PDE11A: variants seen among roughly 807,000 people sequenced by gnomAD.
PDE11A encodes the protein dual 3',5'-cyclic-AMP and -GMP phosphodiesterase 11A.
Under a neutral mutation model 100.5 loss-of-function variants are expected in PDE11A, and 100 were observed. The ratio of observed to expected loss-of-function variants is 1.00; its 90% CI spans 0.85 to 1.18. PDE11A has a LOEUF of 1.18. Ranked by LOEUF, PDE11A falls within the 50% of genes most tolerant of loss-of-function variation. PDE11A has a pLI of 0.00. For synonymous variants in PDE11A, 381 were observed against 420.8 expected (o/e 0.91, Z 1.16); for missense variants, 1,141 against 1,152.6 (o/e 0.99, Z 0.15).
chr2:178,078,223 AAATGTC>A (rs1322053190), intron 2 of PDE11A, among the ~76,000 whole-genome samples: 1 of 151,888 alleles, frequency 6.6e-6, no homozygotes, highest in African/African-American at 2.4e-5. Flanking sequence ...CACCTATTTC[AAATGTC>A]ACACATATTA....
At chr2:177,653,442 G>A (rs561879515) in intron 19 of PDE11A, among the ~76,000 whole-genome samples, 32 of 152,190 alleles carry the variant, frequency 2.1e-4, no homozygotes, top group South Asian at 1.7e-3. Flanking sequence ...CCTCTCTGTC[G>A]TGAGTTGACT....
At chr2:178,085,198 T>C (rs13422367) in intron 2 of PDE11A, among the ~76,000 whole-genome samples, 2,349 of 152,282 alleles carry the variant, frequency 0.015, 57 homozygotes, top group African/African-American at 0.053. Flanking sequence ...CGTGAGGTGC[T>C]GCTATCACCA....
At chr2:177,862,344 A>C (rs1229267465) in intron 5 of PDE11A, among the ~76,000 whole-genome samples, 1 of 151,918 alleles carries the variant, frequency 6.6e-6, no homozygotes, top group Non-Finnish European at 1.5e-5. Flanking sequence ...GCAAATCAAA[A>C]CTACAATGAG....
At chr2:178,000,247 AGAT>A (rs2086127969) in intron 2 of PDE11A, among the ~76,000 whole-genome samples, 2 of 152,232 alleles carry the variant, frequency 1.3e-5, no homozygotes, top group South Asian at 4.1e-4. Flanking sequence ...ATATCCAAGT[AGAT>A]TTTCTAAATC....
intron 9 of PDE11A, among the ~76,000 whole-genome samples, chr2:177,786,637 T>G (rs1332339620): frequency 6.6e-6 from 1 of 151,982 alleles, no homozygotes; most frequent in Non-Finnish European, 1.5e-5. Context: ...TTAAAAACTT[T>G]GAAAAAAATT....
At chr2:177,928,847 A>G (rs2085167137) in intron 2 of PDE11A, among the ~76,000 whole-genome samples, 2 of 151,894 alleles carry the variant, frequency 1.3e-5, no homozygotes. Flanking sequence ...TGGGTTACAG[A>G]GAAAGACCCT....
At chr2:178,046,196 C>T (rs2086748577) in intron 1 of PDE11A, among the ~76,000 whole-genome samples, 2 of 152,166 alleles carry the variant, frequency 1.3e-5, no homozygotes, top group Admixed American at 6.5e-5. Flanking sequence ...CTGGCTATTA[C>T]TATTAATTTT....
At chr2:177,957,439 C>A (rs547093800) in intron 2 of PDE11A, among the ~76,000 whole-genome samples, 1 of 152,150 alleles carries the variant, frequency 6.6e-6, no homozygotes, top group Non-Finnish European at 1.5e-5. Flanking sequence ...AAACAAAAAA[C>A]TTCCCCTGGG....
In PDE11A at chr2:177,631,322, A is replaced by AAAAAAAAAAAAAAAAAC. The variant is rs1469522170; in HGVS notation, c.2647-1761_2647-1760insGTTTTTTTTTTTTTTTT. ...AAAAAAAAAAAAAACAAAAAAAAAA[A>AAAAAAAAAAAAAAAAAC]CAACCTAGGCGTGGTGGCACATGCC... is the stretch of plus-strand genomic sequence containing the variant. On this transcript the variant is annotated intron_variant, in intron 19 of 19. Transcript: ENST00000286063. 1.1e-3 allele frequency among the ~76,000 whole-genome samples: 18 copies of AAAAAAAAAAAAAAAAAC among 16,880 alleles called. 1 individual carries two copies. The highest frequency in any genetic ancestry group is 1.5e-3 in the African/African-American group (16 of 10,840). The allele number at this position is 16,880 out of a possible 152,430, so 11.1% of individuals were successfully genotyped here.
chr2:178,091,782 G>C (rs965660057), intron 2 of PDE11A, among the ~76,000 whole-genome samples: 4 of 151,408 alleles, frequency 2.6e-5, no homozygotes, highest in Non-Finnish European at 5.9e-5. Flanking sequence ...AAGTGGGTGG[G>C]GGGGCTCTTT....
chr2:177,795,037 G>A (rs576649511), intron 9 of PDE11A, among the ~76,000 whole-genome samples: 8 of 152,106 alleles, frequency 5.3e-5, no homozygotes, highest in South Asian at 2.1e-4. Context: ...CACCTGCCTC[G>A]GCCTCCCAAA....
intron 13 of PDE11A, among the ~76,000 whole-genome samples, chr2:177,710,057 G>A (rs1168160070): frequency 3.3e-5 from 5 of 152,100 alleles, no homozygotes; most frequent in Admixed American, 6.5e-5. Flanking sequence ...CAAGATGCGG[G>A]GGAGCTGTTT....
chr2:177,772,809 A>G (rs990191100), intron 9 of PDE11A, among the ~76,000 whole-genome samples: 4 of 152,020 alleles, frequency 2.6e-5, no homozygotes, highest in African/African-American at 9.7e-5. Context: ...CTCATTTAAA[A>G]TTACAATAGT....
intron 1 of PDE11A, among the ~76,000 whole-genome samples, chr2:178,021,551 G>C (rs905918028): frequency 6.6e-6 from 1 of 151,982 alleles, no homozygotes; most frequent in African/African-American, 2.4e-5. Context: ...ATTAGATAAA[G>C]GAACATGTTA....
intron 1 of PDE11A, among the ~76,000 whole-genome samples, chr2:178,048,305 T>C (rs150219381): frequency 2.3e-3 from 349 of 151,972 alleles, no homozygotes; most frequent in Middle Eastern, 6.8e-3. Flanking sequence ...ATAAAGAAGA[T>C]AAGGCAGAGG....
chr2:177,736,197 C>T (rs1173005502), intron 10 of PDE11A, among the ~76,000 whole-genome samples: 2 of 152,038 alleles, frequency 1.3e-5, no homozygotes, highest in South Asian at 2.1e-4. Flanking sequence ...GAAGGAAGGA[C>T]GTGCTCCCGG....
At chr2:177,819,692 A>G (rs1192603238) in intron 7 of PDE11A, among the ~76,000 whole-genome samples, 3 of 152,038 alleles carry the variant, frequency 2.0e-5, no homozygotes, top group Non-Finnish European at 4.4e-5. Flanking sequence ...TATATGTCCA[A>G]TATAGAATGT....
At chr2:177,836,163 T>C (rs2083394382) in intron 6 of PDE11A, among the ~76,000 whole-genome samples, 1 of 152,238 alleles carries the variant, frequency 6.6e-6, no homozygotes, top group African/African-American at 2.4e-5. Flanking sequence ...GGAGAACCTT[T>C]ATGTCTAGCT....
chr2:178,073,523 G>GC (rs1360754100), upstream of PDE11A, among the ~76,000 whole-genome samples: 1 of 152,256 alleles, frequency 6.6e-6, no homozygotes, highest in East Asian at 1.9e-4. Context: ...AGTAAACCAA[G>GC]CATAGAATCC....
Sources: allele counts gnomAD v4.1 joint callset (sites outside exome capture counted in the v4.1 genomes callset), GRCh38; gene constraint gnomAD v4.1.1; transcripts MANE v1.5; gene names NCBI Gene and HGNC (gene_info 2026-07-23, HGNC 2026-07-21).